PRKCI: variants seen among roughly 807,000 people sequenced by gnomAD.
The protein encoded by PRKCI is protein kinase C iota.
A neutral mutation model predicts 84.0 loss-of-function variants in PRKCI; 43 were observed. That is an observed-to-expected ratio of 0.51 (90% CI 0.40 to 0.66). The LOEUF (loss-of-function observed/expected upper bound fraction) is 0.66. PRKCI is among the 30% of genes least tolerant of loss of function. PRKCI has a pLI of 0.00. For missense variants in PRKCI, 459 were observed against 745.6 expected (o/e 0.62, Z 4.48); for synonymous variants, 216 against 234.4 (o/e 0.92, Z 0.72).
chr3:170,247,594 G>A (rs752232725), intron 2 of PRKCI, among the ~76,000 whole-genome samples: 7 of 151,916 alleles, frequency 4.6e-5, no homozygotes, highest in Non-Finnish European at 8.8e-5. Flanking sequence ...GCTGGGTGTG[G>A]TGGTGCATGC....
rs1734928109 is a variant in PRKCI at position 170,305,279 on chromosome 3, C to A, written c.*2152C>A. The A allele has an allele frequency of 6.6e-6, 1 of 152,576 alleles. No homozygotes were observed. The highest frequency in any genetic ancestry group is 1.5e-5 in the Non-Finnish European group (1 of 68,032). The allele number at this position is 152,576 out of a possible 1,614,324, so 9.5% of individuals were successfully genotyped here. ...GCCCACCTTAGACTTCTTTTGGGGC[C>A]TTCGACCTCACTTTGAGAAATACCT... is the stretch of plus-strand genomic sequence containing the variant. On this transcript the variant is annotated 3_prime_UTR_variant, in exon 18 of 18. Coordinates refer to ENST00000295797, the MANE Select transcript of PRKCI (RefSeq NM_002740.6).
chr3:170,276,543 A>G (rs936584412), intron 8 of PRKCI, among the ~76,000 whole-genome samples: 4 of 151,716 alleles, frequency 2.6e-5, no homozygotes, highest in Admixed American at 6.6e-5. Context: ...TACAGCCTCA[A>G]CTTCTTGAGT....
intron 13 of PRKCI, 151 bp downstream of exon 13, chr3:170,292,092 A>G (rs757481796): frequency 1.6e-5 from 10 of 640,486 alleles, no homozygotes; most frequent in Non-Finnish European, 2.5e-5. Flanking sequence ...GGAGAGTCCC[A>G]GACTTTGAAA....
intron 1 of PRKCI, among the ~76,000 whole-genome samples, chr3:170,229,296 T>C (rs1262629301): frequency 6.6e-6 from 1 of 152,130 alleles, no homozygotes; most frequent in African/African-American, 2.4e-5. Context: ...TTATAGTTGG[T>C]AATACAGTGT....
At chr3:170,261,315 G>A (rs1278018654) in intron 3 of PRKCI, among the ~76,000 whole-genome samples, 2 of 151,656 alleles carry the variant, frequency 1.3e-5, no homozygotes, top group Non-Finnish European at 2.9e-5. Flanking sequence ...ACAGTATTTC[G>A]TTGAACATTT....
At chr3:170,280,063 A>C in intron 8 of PRKCI, 164 bp from the exon 9 acceptor site, 1 of 584,046 alleles carries the variant, frequency 1.7e-6, no homozygotes, top group Non-Finnish European at 2.8e-6. Context: ...CTGGATAGTT[A>C]GATTATTTGG....
intron 1 of PRKCI, among the ~76,000 whole-genome samples, chr3:170,234,325 C>A (rs984516822): frequency 6.6e-6 from 1 of 152,130 alleles, no homozygotes; most frequent in Non-Finnish European, 1.5e-5. Context: ...GCCACCACGC[C>A]CAGCCTTATA....
intron 15 of PRKCI, among the ~76,000 whole-genome samples, chr3:170,296,850 T>C (rs1428929010): frequency 2.0e-5 from 3 of 152,204 alleles, no homozygotes; most frequent in Non-Finnish European, 4.4e-5. Flanking sequence ...GGCTCCTCAG[T>C]CCAGTGATTC....
chr3:170,229,141 A>C lies in PRKCI; in HGVS notation c.102-6089A>C, dbSNP rs921922276. Among the ~76,000 whole-genome samples, 8 of 152,260 alleles carry C rather than the reference A, an allele frequency of 5.3e-5. No individual in the cohort carries two copies. In the East Asian group the frequency reaches 1.5e-3, roughly 29 times the overall value. On this transcript the variant is annotated intron_variant, in intron 1 of 17. Coordinates refer to ENST00000295797, the MANE Select transcript of PRKCI (RefSeq NM_002740.6). ...TATTCTATATCATATCGGTATATTT[A>C]TAAGTATAGATATGTATGTGCATAC...
At chr3:170,260,979 G>C (rs890386805) in intron 3 of PRKCI, among the ~76,000 whole-genome samples, 1 of 151,824 alleles carries the variant, frequency 6.6e-6, no homozygotes, top group African/African-American at 2.4e-5. Flanking sequence ...TTTTGAGGCA[G>C]TTTCTCTCGC....
chr3:170,257,102 A>G (rs1733602147), intron 2 of PRKCI, among the ~76,000 whole-genome samples: 1 of 152,230 alleles, frequency 6.6e-6, no homozygotes, highest in South Asian at 2.1e-4. Flanking sequence ...CTAGAGTTAT[A>G]GAGATTTTCT....
In PRKCI at chr3:170,235,282, A is replaced by C. The variant is rs767204074; in HGVS notation, c.154A>C (p.Asn52His). 1 of 1,614,122 alleles carries C rather than the reference A, an allele frequency of 6.2e-7. No homozygotes were observed. The highest frequency in any genetic ancestry group is 8.5e-7 in the Non-Finnish European group (1 of 1,179,970). The change falls in exon 2 of 18, where the codon AAT becomes CAT. Residue 52 changes from asparagine to histidine, a missense_variant. By Grantham distance (68) the Asn-to-His change is moderately conservative (BLOSUM62 1). Coordinates refer to ENST00000295797, the MANE Select transcript of PRKCI (RefSeq NM_002740.6). The stretch of plus-strand genomic sequence containing the variant: ...TTCCATCTCCTTTGAGGGCCTTTGC[A>C]ATGAGGTTCGAGACATGTGTTCTTT... ...EPSISFEGLC[N>H]EVRDMCSFDN...
At chr3:170,276,378 C>T (rs1290882612) in intron 8 of PRKCI, among the ~76,000 whole-genome samples, 1 of 152,162 alleles carries the variant, frequency 6.6e-6, no homozygotes, top group Non-Finnish European at 1.5e-5. Flanking sequence ...TTTGAAGAAA[C>T]CTGTTAGTCA....
At position 170,297,169 on chromosome 3, in the gene PRKCI, T is replaced by C. The variant is rs1734704709; in HGVS notation, c.1498-135T>C. The C allele has an allele frequency of 5.9e-6, 4 of 675,864 alleles. No individual in the cohort carries two copies. In the East Asian group the frequency reaches 8.5e-5, roughly 14 times the overall value. 41.9% of individuals were successfully genotyped at this position (675,864 alleles called of 1,614,324 possible). On this transcript the variant is annotated intron_variant, in intron 15 of 17. Coordinates refer to ENST00000295797, the MANE Select transcript of PRKCI (RefSeq NM_002740.6). ...CTCAATTTGTTCTGGAGTTGTACTT[T>C]CTAGAAATAAAAGGTAGACCATTCC...
chr3:170,247,374 CA>C (rs1302791194), intron 2 of PRKCI, among the ~76,000 whole-genome samples: 1 of 150,816 alleles, frequency 6.6e-6, no homozygotes, highest in Non-Finnish European at 1.5e-5. Flanking sequence ...CTGTTTAATC[CA>C]GTGTTTTAAA....
chr3:170,283,247 G>T (rs1184136549), intron 11 of PRKCI, among the ~76,000 whole-genome samples: 1 of 152,148 alleles, frequency 6.6e-6, no homozygotes, highest in African/African-American at 2.4e-5. Flanking sequence ...TAATCCATCA[G>T]TACCATGTTT....
intron 17 of PRKCI, among the ~76,000 whole-genome samples, chr3:170,301,686 TC>T (rs1411654685): frequency 6.6e-6 from 1 of 152,152 alleles, no homozygotes; most frequent in Non-Finnish European, 1.5e-5. Context: ...TCTTTTCTCT[TC>T]CCGTTGACAC....
At chr3:170,290,864 A>G (rs73036340) in intron 12 of PRKCI, among the ~76,000 whole-genome samples, 12,849 of 152,104 alleles carry the variant, frequency 0.084, 1,157 homozygotes, top group African/African-American at 0.22. Flanking sequence ...CAGGCCCGGC[A>G]TGGTGGCTTA....
At chr3:170,284,124 G>A (rs1734318122) in intron 11 of PRKCI, among the ~76,000 whole-genome samples, 1 of 152,044 alleles carries the variant, frequency 6.6e-6, no homozygotes, top group Non-Finnish European at 1.5e-5. Context: ...GGACTCTGTA[G>A]ATACTGTGCA....
Sources: allele counts gnomAD v4.1 joint callset (sites outside exome capture counted in the v4.1 genomes callset), GRCh38; gene constraint gnomAD v4.1.1; transcripts MANE v1.5; gene names NCBI Gene and HGNC (gene_info 2026-07-23, HGNC 2026-07-21).